NBPF3: variants seen among roughly 807,000 people sequenced by gnomAD.
NBPF3 encodes NBPF member 3, also known as NBPF family member NBPF3.
Under a neutral mutation model 78.1 loss-of-function variants are expected in NBPF3, and 57 were observed. The observed-to-expected ratio is 0.73, with a 90% CI of 0.59 to 0.91. The LOEUF is 0.91. Ranked by LOEUF, NBPF3 falls within the 40% of genes least tolerant of loss-of-function variation. NBPF3 has a pLI of 0.00. For missense variants in NBPF3, 510 were observed against 715.3 expected (o/e 0.71, Z 3.27); for synonymous variants, 182 against 271.7 (o/e 0.67, Z 3.25).
chr1:21,468,884 G>A lies in NBPF3; in HGVS notation c.330G>A (p.Arg110=), dbSNP rs751033436. The change falls in exon 3 of 15, where the codon CGG becomes CGA. Residue 110 remains arginine, a synonymous_variant. Coordinates refer to ENST00000318249, the MANE Select transcript of NBPF3 (RefSeq NM_032264.6). ...VTQVAYFLAN[R]QNNYDYEDCK... ...AAGTGGCCTACTTCCTGGCCAACCG[G>A]CAAAATAATTACGGTAAGTTCTATA... 2 of 1,613,502 alleles carry A rather than the reference G, an allele frequency of 1.2e-6. No individual in the cohort carries two copies. The highest frequency in any genetic ancestry group is 1.7e-6 in the Non-Finnish European group (2 of 1,179,478).
At chr1:21,454,091 C>G (rs942326859) in intron 2 of NBPF3, 1 of 152,328 alleles carries the variant, frequency 6.6e-6, no homozygotes, top group Admixed American at 6.5e-5. Context: ...TGCTACACTC[C>G]GAATGGAGGA....
At chr1:21,455,918 G>C (rs1050534733) in intron 2 of NBPF3, among the ~76,000 whole-genome samples, 12 of 152,148 alleles carry the variant, frequency 7.9e-5, no homozygotes, top group African/African-American at 2.2e-4. Flanking sequence ...ATCCACGGTG[G>C]GAAGAACTCA....
upstream of NBPF3, among the ~76,000 whole-genome samples, chr1:21,438,539 C>T (rs1569884136): frequency 6.6e-6 from 1 of 152,176 alleles, no homozygotes; most frequent in East Asian, 1.9e-4. Context: ...CTATATATAG[C>T]ACTTAGAACA....
chr1:21,472,180 T>G (rs1267494073), intron 5 of NBPF3, among the ~76,000 whole-genome samples: 1 of 152,220 alleles, frequency 6.6e-6, no homozygotes, highest in Non-Finnish European at 1.5e-5. Flanking sequence ...TGATTTATCC[T>G]TCCTGAGTTT....
At position 21,460,858 on chromosome 1, in the gene NBPF3, T is replaced by C. The variant is rs1187529962; in HGVS notation, c.134-7830T>C. On this transcript the variant is annotated intron_variant, in intron 2 of 14. Coordinates refer to ENST00000318249, the MANE Select transcript of NBPF3 (RefSeq NM_032264.6). This position sits in a 1 kb window ranked among gnomAD's most constrained non-coding sequence, Gnocchi z 4.2. ...GCAAATAATTATTTGCTATATAATA[T>C]AGCAAAAAATGTGTATATATAAATG... Among the ~76,000 whole-genome samples the C allele has an allele frequency of 6.6e-6, 1 of 152,122 alleles. No homozygotes were observed. Among genetic ancestry groups the C allele is most frequent in the Non-Finnish European group, 1.5e-5 (1 of 68,014 alleles).
chr1:21,440,283 G>GCGGCGCC lies in NBPF3; in HGVS notation c.-205_-204insCGGCGCC, dbSNP rs1640545190. 6.6e-6 allele frequency: 1 copy of GCGGCGCC among 152,210 alleles called. No individual in the cohort carries two copies. Among genetic ancestry groups the GCGGCGCC allele is most frequent in the Admixed American group, 6.5e-5 (1 of 15,286 alleles). The allele number at this position is 152,210 out of a possible 1,614,324, so 9.4% of individuals were successfully genotyped here. ...GGCGCCAGGAGCTGGGCCGAGGCGC[G>GCGGCGCC]GCGGCGCGGCTGCGGGCCGCCGTCT... On this transcript the variant is annotated 5_prime_UTR_variant, in exon 1 of 15. Transcript: ENST00000318249.
intron 12 of NBPF3, among the ~76,000 whole-genome samples, chr1:21,481,208 T>TATAA (rs1643207239): frequency 6.6e-6 from 1 of 151,152 alleles, no homozygotes; most frequent in Non-Finnish European, 1.5e-5. Context: ...CTTCAAAAGC[T>TATAA]GTATCCTCAT....
At chr1:21,451,812 A>G in intron 2 of NBPF3, 1 of 343,022 alleles carries the variant, frequency 2.9e-6, no homozygotes, top group South Asian at 5.7e-5. Flanking sequence ...TTATATCTGT[A>G]AAAACTCAGA....
At chr1:21,443,614 A>G (rs375004009) in intron 1 of NBPF3, among the ~76,000 whole-genome samples, 1 of 152,016 alleles carries the variant, frequency 6.6e-6, no homozygotes, top group African/African-American at 2.4e-5. Context: ...TACATAGAAT[A>G]ATTTTTTTTT....
chr1:21,456,778 A>G (rs904873292), intron 2 of NBPF3, among the ~76,000 whole-genome samples: 5 of 152,236 alleles, frequency 3.3e-5, no homozygotes, highest in African/African-American at 1.2e-4. Flanking sequence ...ATGGCATGGG[A>G]TTGAATGCTT....
At chr1:21,438,840 A>T (rs1640487883), upstream of NBPF3, among the ~76,000 whole-genome samples, 1 of 152,192 alleles carries the variant, frequency 6.6e-6, no homozygotes, top group East Asian at 1.9e-4. Flanking sequence ...ACTCTAAACC[A>T]TTGAGGGCCC....
intron 2 of NBPF3, chr1:21,466,095 G>C (rs1642246385): frequency 6.1e-6 from 6 of 985,572 alleles, no homozygotes; most frequent in Non-Finnish European, 7.2e-6. Context: ...AGGGAGCCTT[G>C]GGAGGAGCCC....
At chr1:21,463,607 G>A (rs550149155) in intron 2 of NBPF3, among the ~76,000 whole-genome samples, 1 of 152,284 alleles carries the variant, frequency 6.6e-6, no homozygotes, top group Admixed American at 6.5e-5. Flanking sequence ...ATAGATAAAT[G>A]GACTTCATTA....
intron 2 of NBPF3, 36 bp downstream of exon 2, chr1:21,445,255 C>CA: frequency 6.2e-7 from 1 of 1,602,884 alleles, no homozygotes; most frequent in African/African-American, 1.3e-5. Context: ...TCGGTGGGGT[C>CA]AGAGAGTCCT....
intron 5 of NBPF3, 49 bp downstream of exon 5, chr1:21,471,832 G>T: frequency 6.3e-7 from 1 of 1,598,802 alleles, no homozygotes; most frequent in Non-Finnish European, 8.6e-7. Context: ...GCTTATGAGA[G>T]ACTTCAGACC....
chr1:21,473,280 C>T, intron 6 of NBPF3, 100 bp from the exon 7 acceptor site: 1 of 1,384,994 alleles, frequency 7.2e-7, no homozygotes, highest in Non-Finnish European at 1.0e-6. Flanking sequence ...TTTCTTGGAC[C>T]ACTCTCTTAA....
At chr1:21,462,338 TTC>T (rs1242477975) in intron 2 of NBPF3, among the ~76,000 whole-genome samples, 2 of 152,242 alleles carry the variant, frequency 1.3e-5, no homozygotes, top group Non-Finnish European at 2.9e-5. Flanking sequence ...GGGGAAAATG[TTC>T]TCTGTCTTTA....
upstream of NBPF3, chr1:21,437,402 T>G (rs113287637): frequency 5.1e-5 from 53 of 1,031,266 alleles, 1 homozygote; most frequent in Middle Eastern, 1.3e-3. Flanking sequence ...AGTGGAATCC[T>G]GGCTCTCAAA....
intron 2 of NBPF3, among the ~76,000 whole-genome samples, chr1:21,459,131 G>T (rs1641802078): frequency 6.6e-6 from 1 of 152,150 alleles, no homozygotes; most frequent in Admixed American, 6.5e-5. Flanking sequence ...TTGATTGGAA[G>T]ATTCAATTTT....
Sources: gnomAD v4.1 joint callset for allele counts (sites outside exome capture counted in the v4.1 genomes callset) on GRCh38, gnomAD v4.1.1 for gene constraint, Gnocchi (gnomAD v3.1) non-coding constraint, MANE v1.5 for transcripts, NCBI Gene and HGNC (gene_info 2026-07-23, HGNC 2026-07-21) for gene names.